Variants in HDAC8 observed in about 807,000 individuals in gnomAD.
The protein encoded by HDAC8 is histone deacetylase-like 1.
Under a neutral mutation model 32.2 loss-of-function variants are expected in HDAC8, and 1 was observed. The ratio of observed to expected loss-of-function variants is 0.03; its 90% CI spans 0.01 to 0.15. HDAC8 has a LOEUF of 0.15. HDAC8 is among the 10% of genes least tolerant of loss of function. HDAC8 has a pLI of 1.00. For missense variants in HDAC8, 117 were observed against 300.0 expected, an observed-to-expected ratio of 0.39 and a Z score of 4.51; for synonymous variants, 108 against 113.9, an observed-to-expected ratio of 0.95 and a Z score of 0.33.
In HDAC8 at chrX:72,459,871, T is replaced by A. The variant is rs145804789; in HGVS notation, c.1005+2133A>T. ...GACCACAAGGATATTTGTGTGCAAC[T>A]GTGTATTGTGCCACAGAACTTATAT... On this transcript the variant is annotated intron_variant, in intron 9 of 10. Transcript: ENST00000373573. 2.7e-3 allele frequency among the ~76,000 whole-genome samples: 307 copies of A among 112,286 alleles called. 3 individuals carry two copies. Among genetic ancestry groups the A allele is most frequent in the Non-Finnish European group, 4.6e-3 (243 of 53,322 alleles).
intron 9 of HDAC8, among the ~76,000 whole-genome samples, chrX:72,439,903 TAGAC>T (rs2047073414): frequency 9.0e-6 from 1 of 111,522 alleles, no homozygotes; most frequent in Non-Finnish European, 1.9e-5. Flanking sequence ...CTGTCAGTAT[TAGAC>T]AGATCAACAA....
chrX:72,356,457 G>A (rs782778015), intron 9 of HDAC8, among the ~76,000 whole-genome samples: 4 of 112,350 alleles, frequency 3.6e-5, no homozygotes, highest in Admixed American at 9.4e-5. Flanking sequence ...TAGAAGGTCC[G>A]TGAAGGCAGG....
intron 9 of HDAC8, among the ~76,000 whole-genome samples, chrX:72,412,188 G>A (rs1193010460): frequency 1.8e-5 from 2 of 111,493 alleles, no homozygotes; most frequent in Non-Finnish European, 3.8e-5. Context: ...AGAGTAGGAC[G>A]GAAAGCAAAA....
chrX:72,542,349 G>A (rs926535800), intron 4 of HDAC8, among the ~76,000 whole-genome samples: 3 of 112,229 alleles, frequency 2.7e-5, no homozygotes, highest in Non-Finnish European at 5.6e-5. Context: ...TTCACACTTT[G>A]AGGCTTAGCC....
intron 9 of HDAC8, among the ~76,000 whole-genome samples, chrX:72,402,013 T>A (rs2045914131): frequency 8.9e-6 from 1 of 112,216 alleles, no homozygotes; most frequent in Non-Finnish European, 1.9e-5. Flanking sequence ...TTTTTTTTGA[T>A]AACTAATCCA....
chrX:72,463,514 G>T (rs1403915576), intron 8 of HDAC8, among the ~76,000 whole-genome samples: 1 of 111,991 alleles, frequency 8.9e-6, no homozygotes, highest in African/African-American at 3.2e-5. Context: ...CCCCTCCTTA[G>T]CTGTACCTGT....
At position 72,473,945 on chromosome X, in the gene HDAC8, A is replaced by ATGCAC. The variant is rs1254558505; in HGVS notation, c.738-9219_738-9215dup. The ATGCAC allele has an allele frequency of 1.6e-4, 115 of 707,215 alleles. No individual in the cohort carries two copies. In the African/African-American group the frequency reaches 2.3e-3, roughly 14 times the overall value. The allele number at this position is 707,215 out of a possible 1,213,427, so 58.3% of individuals were successfully genotyped here. ...CAATCTTCTTTGCAACTTCTCCTCC[A>ATGCAC]TGCACTTTACAGTCCAGCCAAACTA... On this transcript the variant is annotated intron_variant, in intron 7 of 10. Transcript: ENST00000373573.
intron 4 of HDAC8, among the ~76,000 whole-genome samples, chrX:72,527,468 C>T (rs1190717670): frequency 8.9e-6 from 1 of 111,813 alleles, no homozygotes; most frequent in Non-Finnish European, 1.9e-5. Flanking sequence ...TTGTCAGTCT[C>T]AGTTGACCAT....
At chrX:72,559,221 T>C (rs1388269560) in intron 4 of HDAC8, among the ~76,000 whole-genome samples, 2 of 106,391 alleles carry the variant, frequency 1.9e-5, no homozygotes, top group Admixed American at 2.0e-4. Context: ...GCAGGCGTGC[T>C]GCCACGCCTG....
intron 4 of HDAC8, among the ~76,000 whole-genome samples, chrX:72,530,429 T>C (rs1242031799): frequency 9.3e-6 from 1 of 107,940 alleles, no homozygotes; most frequent in Non-Finnish European, 1.9e-5. Flanking sequence ...TGAATACTCA[T>C]ATGCTATTTT....
chrX:72,453,566 A>G (rs1555988652), intron 9 of HDAC8, among the ~76,000 whole-genome samples: 1 of 111,886 alleles, frequency 8.9e-6, no homozygotes, highest in Non-Finnish European at 1.9e-5. Flanking sequence ...GATGCATGAA[A>G]CTTCAACATA....
At chrX:72,488,379 T>C (rs916753590) in intron 7 of HDAC8, among the ~76,000 whole-genome samples, 1 of 111,175 alleles carries the variant, frequency 9.0e-6, no homozygotes, top group South Asian at 3.8e-4. Flanking sequence ...TTTTCAACTC[T>C]AGTGGTCCAC....
chrX:72,390,306 A>G (rs899402178), intron 9 of HDAC8, among the ~76,000 whole-genome samples: 33 of 112,371 alleles, frequency 2.9e-4, no homozygotes, highest in Non-Finnish European at 5.6e-5. Flanking sequence ...GTACCCATTA[A>G]CAGTGTGATA....
intron 4 of HDAC8, among the ~76,000 whole-genome samples, chrX:72,542,213 T>C (rs956640796): frequency 1.8e-5 from 2 of 112,499 alleles, no homozygotes; most frequent in African/African-American, 6.5e-5. Flanking sequence ...AACAGTCTGA[T>C]CTTTTTCCTT....
intron 5 of HDAC8, among the ~76,000 whole-genome samples, chrX:72,492,474 T>C (rs1215802315): frequency 9.1e-6 from 1 of 110,263 alleles, no homozygotes; most frequent in Non-Finnish European, 1.9e-5. Flanking sequence ...GTTAGGTAGA[T>C]GAAAGAAGGC....
At chrX:72,464,935 A>C (rs2047975634) in intron 7 of HDAC8, among the ~76,000 whole-genome samples, 1 of 111,748 alleles carries the variant, frequency 8.9e-6, no homozygotes, top group African/African-American at 3.3e-5. Context: ...CTTACAAAAA[A>C]ATTTCCCTCT....
At chrX:72,550,236 T>C (rs993081711) in intron 4 of HDAC8, among the ~76,000 whole-genome samples, 2 of 111,182 alleles carry the variant, frequency 1.8e-5, no homozygotes, top group Non-Finnish European at 3.8e-5. Context: ...GCTGTTTAGC[T>C]TGGCATTCAA....
In HDAC8 at chrX:72,409,116, A is replaced by G. The variant is rs1381269554; in HGVS notation, c.1005+52888T>C. 2.7e-5 allele frequency among the ~76,000 whole-genome samples: 3 copies of G among 112,267 alleles called. No homozygotes were observed. In the East Asian group the frequency reaches 8.4e-4, roughly 31 times the overall value. On this transcript the variant is annotated intron_variant, in intron 9 of 10. Transcript: ENST00000373573. ...AACTCAAATTGCTCTAACAGAAACT[A>G]AAGTATTTTCTTTCTTCCTCTTCTG...
chrX:72,475,858 C>G (rs1007984109), intron 7 of HDAC8, among the ~76,000 whole-genome samples: 4 of 111,428 alleles, frequency 3.6e-5, no homozygotes, highest in African/African-American at 9.8e-5. Context: ...AGCAAACAAC[C>G]TCATATCCCT....
Sources: allele counts gnomAD v4.1 joint callset (sites outside exome capture counted in the v4.1 genomes callset), GRCh38; gene constraint gnomAD v4.1.1; transcripts MANE v1.5; gene names NCBI Gene and HGNC (gene_info 2026-07-23, HGNC 2026-07-21).